Variants in PTPRD observed in about 807,000 individuals in gnomAD.
PTPRD encodes the protein receptor-type tyrosine-protein phosphatase delta.
Under a neutral mutation model 214.5 loss-of-function variants are expected in PTPRD, and 34 were observed. That is an observed-to-expected ratio of 0.16 (90% confidence interval 0.12 to 0.21). PTPRD has a LOEUF of 0.21. Among genes scored for constraint, PTPRD ranks in the 10% least tolerant of loss-of-function variants. The probability of loss-of-function intolerance (pLI) is 1.00; values close to 1 mark genes in which losing one functional copy is unlikely to be tolerated. For missense variants in PTPRD, 2,545 were observed against 2,398.7 expected, an observed-to-expected ratio of 1.06 and a Z score of -1.27; for synonymous variants, 1,128 against 845.7, an observed-to-expected ratio of 1.33 and a Z score of -5.79.
At chr9:10,418,602 T>A (rs73406133) in intron 2 of PTPRD, among the ~76,000 whole-genome samples, 6,432 of 151,878 alleles carry the variant, frequency 0.042, 473 homozygotes, top group African/African-American at 0.14. Flanking sequence ...TTAAGGTTTC[T>A]CTTTCCCACT....
At chr9:9,798,858 A>C (rs1314132719) in intron 5 of PTPRD, among the ~76,000 whole-genome samples, 1 of 152,174 alleles carries the variant, frequency 6.6e-6, no homozygotes, top group African/African-American at 2.4e-5. Flanking sequence ...ATATCACCCA[A>C]ATTACCAAAG....
chr9:8,420,217 A>G (rs1441041046), intron 35 of PTPRD, among the ~76,000 whole-genome samples: 3 of 152,120 alleles, frequency 2.0e-5, no homozygotes, highest in African/African-American at 7.2e-5. Flanking sequence ...TTTATGCATC[A>G]TTTATTTTTG....
chr9:8,719,211 A>C (rs2098466792), intron 12 of PTPRD, among the ~76,000 whole-genome samples: 1 of 152,190 alleles, frequency 6.6e-6, no homozygotes, highest in Non-Finnish European at 1.5e-5. Flanking sequence ...TTCATTTTTC[A>C]GGAGTTTGCA....
intron 12 of PTPRD, among the ~76,000 whole-genome samples, chr9:8,721,780 C>G (rs147513951): frequency 3.3e-5 from 5 of 152,180 alleles, no homozygotes; most frequent in Admixed American, 2.0e-4. Context: ...ACTACGATTT[C>G]TCTTTCCCAA....
chr9:9,186,377 A>G (rs1401899770), intron 9 of PTPRD, among the ~76,000 whole-genome samples: 3 of 152,058 alleles, frequency 2.0e-5, no homozygotes, highest in Non-Finnish European at 4.4e-5. Flanking sequence ...GCACAATCTG[A>G]CCAGATACAG....
chr9:8,386,954 A>G (rs936749509), intron 37 of PTPRD, among the ~76,000 whole-genome samples: 2 of 152,120 alleles, frequency 1.3e-5, no homozygotes, highest in Non-Finnish European at 2.9e-5. Flanking sequence ...AGTGTTCTGG[A>G]CTGGAGAACA....
chr9:9,448,563 T>C (rs1326163060), intron 8 of PTPRD, among the ~76,000 whole-genome samples: 1 of 152,134 alleles, frequency 6.6e-6, no homozygotes, highest in South Asian at 2.1e-4. Flanking sequence ...ATTAAACTTC[T>C]TTCCTTCATA....
At chr9:10,403,872 G>C (rs891436148) in intron 2 of PTPRD, among the ~76,000 whole-genome samples, 1 of 151,672 alleles carries the variant, frequency 6.6e-6, no homozygotes, top group African/African-American at 2.4e-5. Flanking sequence ...GCAGAACACA[G>C]AGGATTTTTA....
intron 5 of PTPRD, among the ~76,000 whole-genome samples, chr9:9,770,167 C>G (rs1565131869): frequency 6.6e-6 from 1 of 152,114 alleles, no homozygotes; most frequent in Admixed American, 6.5e-5. Context: ...AGTTCTAGAT[C>G]CTTGAGGAAT....
intron 6 of PTPRD, among the ~76,000 whole-genome samples, chr9:9,763,627 C>T (rs1054669108): frequency 2.0e-5 from 3 of 152,016 alleles, no homozygotes; most frequent in Non-Finnish European, 4.4e-5. Flanking sequence ...GTAAAAATAA[C>T]CTAACTATAA....
At chr9:9,519,112 A>G (rs530822676) in intron 8 of PTPRD, among the ~76,000 whole-genome samples, 10 of 152,032 alleles carry the variant, frequency 6.6e-5, no homozygotes, top group Admixed American at 2.0e-4. Context: ...CCCATAACTT[A>G]AAGAATAAAT....
Position 9,584,561 on chromosome 9 carries a change from G to C in PTPRD, c.-286-9780C>G, listed in dbSNP as rs562479437. On this transcript the variant is annotated intron_variant, in intron 7 of 45. Transcript: ENST00000381196. ...ATGACATGACTTGTTCACATATTAA[G>C]TGTATGAACGTTATCCATGAGAACA... Among the ~76,000 whole-genome samples the C allele has an allele frequency of 2.0e-5, 3 of 151,882 alleles. No individual in the cohort carries two copies. In the South Asian group the frequency reaches 6.2e-4, roughly 32 times the overall value.
At chr9:9,107,167 C>G (rs779658634) in intron 10 of PTPRD, among the ~76,000 whole-genome samples, 1 of 151,948 alleles carries the variant, frequency 6.6e-6, no homozygotes, top group East Asian at 1.9e-4. Flanking sequence ...GTGTAAGAAT[C>G]TAGAGACTAG....
At chr9:9,742,413 G>C (rs2154455639) in intron 6 of PTPRD, among the ~76,000 whole-genome samples, 1 of 152,208 alleles carries the variant, frequency 6.6e-6, no homozygotes, top group South Asian at 2.1e-4. Flanking sequence ...ACTCAAATTA[G>C]AAGCATCATG....
At chr9:10,461,711 G>C (rs182280149) in intron 2 of PTPRD, among the ~76,000 whole-genome samples, 45 of 150,348 alleles carry the variant, frequency 3.0e-4, no homozygotes, top group African/African-American at 9.8e-4. Context: ...CAACCTCTGC[G>C]TCCTGGGTTC....
At chr9:8,383,963 TTC>T (rs1443837204) in intron 37 of PTPRD, among the ~76,000 whole-genome samples, 1 of 152,184 alleles carries the variant, frequency 6.6e-6, no homozygotes. Context: ...GGTTGATGCA[TTC>T]TCTCTGTGTT....
At chr9:9,892,647 G>T (rs1211825317) in intron 5 of PTPRD, among the ~76,000 whole-genome samples, 1 of 151,926 alleles carries the variant, frequency 6.6e-6, no homozygotes, top group Non-Finnish European at 1.5e-5. Context: ...TATTTTAAAG[G>T]ATCCTAAAAT....
At chr9:8,638,637 T>G (rs1243199919) in intron 12 of PTPRD, among the ~76,000 whole-genome samples, 1 of 152,088 alleles carries the variant, frequency 6.6e-6, no homozygotes, top group Non-Finnish European at 1.5e-5. Context: ...TCCTGGAGAA[T>G]GAATTACCAC....
rs531383791 is a variant in PTPRD at position 9,316,253 on chromosome 9, C to A, written c.-203+81196G>T. On this transcript the variant is annotated intron_variant, in intron 9 of 45. Transcript: ENST00000381196. ...CTCTCCTCCTCTCTCTCTCCCCTAC[C>A]GTCTCTCTTATACTCACTGTTTCTA... 1.4e-4 allele frequency among the ~76,000 whole-genome samples: 21 copies of A among 151,916 alleles called. No homozygotes were observed. In the South Asian group the frequency reaches 4.4e-3, roughly 32 times the overall value.
Sources: allele counts gnomAD v4.1 joint callset (sites outside exome capture counted in the v4.1 genomes callset), GRCh38; gene constraint gnomAD v4.1.1; transcripts MANE v1.5; gene names NCBI Gene and HGNC (gene_info 2026-07-23, HGNC 2026-07-21).